Variants in EYA2 observed in about 807,000 individuals in gnomAD.
EYA2 encodes the protein EYA transcriptional coactivator and phosphatase 2, also known as protein phosphatase EYA2.
In EYA2, 31 loss-of-function variants were observed where a neutral mutation model predicts 69.2. The ratio of observed to expected loss-of-function variants is 0.45; its 90% CI spans 0.34 to 0.60. EYA2 has a LOEUF of 0.60. Among genes scored for constraint, EYA2 ranks in the 20% least tolerant of loss-of-function variants. The pLI is 0.02. For synonymous variants in EYA2, 257 were observed against 279.4 expected, an observed-to-expected ratio of 0.92 and a Z score of 0.80; for missense variants, 622 against 701.2, an observed-to-expected ratio of 0.89 and a Z score of 1.28.
rs1046664 is a variant in EYA2 at position 47,188,575 on chromosome 20, G to A, written c.*442G>A. 230,650 of 449,942 alleles carry A rather than the reference G, an allele frequency of 0.51. 62,098 individuals carry two copies. Among genetic ancestry groups the A allele is most frequent in the African/African-American group, 0.81 (41,298 of 51,206 alleles). The allele number at this position is 449,942 out of a possible 1,614,324, so 27.9% of individuals were successfully genotyped here. Reference sequence around the variant, plus strand: ...GGTTTGGTTTTTTGAACTGGTATGTGGGGTGGTTCACAGTTCTAATGTAAG... The same window carrying A: ...GGTTTGGTTTTTTGAACTGGTATGTAGGGTGGTTCACAGTTCTAATGTAAG... On this transcript the variant is annotated 3_prime_UTR_variant, in exon 16 of 16. Transcript: ENST00000327619.
At chr20:47,111,605 C>T (rs891795906) in intron 9 of EYA2, among the ~76,000 whole-genome samples, 5 of 152,252 alleles carry the variant, frequency 3.3e-5, no homozygotes, top group African/African-American at 4.8e-5. Flanking sequence ...TTGGAACTGG[C>T]GTGCCATTTG....
At chr20:47,098,628 C>G (rs970194816) in intron 9 of EYA2, among the ~76,000 whole-genome samples, 2 of 152,212 alleles carry the variant, frequency 1.3e-5, no homozygotes, top group Non-Finnish European at 2.9e-5. Context: ...GCCCCATGTC[C>G]CCTGGCCCAT....
At chr20:47,167,212 C>T (rs913927929) in intron 10 of EYA2, among the ~76,000 whole-genome samples, 68 of 151,514 alleles carry the variant, frequency 4.5e-4, no homozygotes, top group African/African-American at 1.6e-3. Context: ...TTACTGGCTT[C>T]GAACAACACA....
chr20:47,181,535 G>A (rs1348075099), intron 14 of EYA2, among the ~76,000 whole-genome samples: 1 of 152,164 alleles, frequency 6.6e-6, no homozygotes. Context: ...ATAGCTGAGT[G>A]ATTCATACTG....
intron 9 of EYA2, among the ~76,000 whole-genome samples, chr20:47,099,570 C>T (rs1357095590): frequency 6.6e-6 from 1 of 152,150 alleles, no homozygotes; most frequent in Non-Finnish European, 1.5e-5. Context: ...ATCACAAATG[C>T]TAACTGTGGA....
At chr20:47,097,215 T>C in intron 9 of EYA2, 47 bp downstream of exon 9, 4 of 1,434,344 alleles carry the variant, frequency 2.8e-6, no homozygotes, top group Middle Eastern at 1.8e-4. Context: ...TTTTCAACGT[T>C]ATTGTCCAGC....
chr20:47,060,919 G>A (rs2030854501), intron 5 of EYA2, among the ~76,000 whole-genome samples: 1 of 146,158 alleles, frequency 6.8e-6, no homozygotes. Flanking sequence ...GCAATGGTGT[G>A]ATCTTGGCTC....
chr20:46,974,826 A>G (rs1980359070), intron 1 of EYA2, among the ~76,000 whole-genome samples: 1 of 152,128 alleles, frequency 6.6e-6, no homozygotes, highest in African/African-American at 2.4e-5. Context: ...GCTGAACCCA[A>G]CCAGGAATCA....
At chr20:46,963,366 A>T (rs985011814) in intron 1 of EYA2, among the ~76,000 whole-genome samples, 24 of 152,338 alleles carry the variant, frequency 1.6e-4, no homozygotes, top group Non-Finnish European at 2.9e-4. Flanking sequence ...TCAGTCGTCA[A>T]AAAAGAAATG....
intron 5 of EYA2, among the ~76,000 whole-genome samples, chr20:47,049,464 G>A (rs2030209997): frequency 6.6e-6 from 1 of 152,196 alleles, no homozygotes. Context: ...CGAATCCCTT[G>A]TGAATGGCTT....
In EYA2 at chr20:46,907,495, G is replaced by A. The variant is rs560455058; in HGVS notation, c.-11+12508G>A. Among the ~76,000 whole-genome samples the A allele has an allele frequency of 2.6e-5, 4 of 152,306 alleles. No individual in the cohort carries two copies. In the East Asian group the frequency reaches 5.8e-4, roughly 22 times the overall value. On this transcript the variant is annotated intron_variant, in intron 1 of 15. Coordinates refer to ENST00000327619, the MANE Select transcript of EYA2 (RefSeq NM_005244.5). ...GGGACTCCCCACCCTCTTTCAAGAC[G>A]AGTGAGGGATCTTGGGTAGCATGGG...
chr20:46,903,994 G>A (rs1208156366), intron 1 of EYA2, among the ~76,000 whole-genome samples: 4 of 152,262 alleles, frequency 2.6e-5, no homozygotes, highest in East Asian at 3.9e-4. Flanking sequence ...GGATCAGTGC[G>A]GTGTCTATAA....
chr20:46,913,183 A>G (rs1037388132), intron 1 of EYA2, among the ~76,000 whole-genome samples: 8 of 152,298 alleles, frequency 5.3e-5, no homozygotes, highest in East Asian at 1.9e-4. Context: ...ACATTTAACA[A>G]TTGTTTCTTG....
At chr20:47,001,805 C>A (rs1013475443) in intron 3 of EYA2, among the ~76,000 whole-genome samples, 2 of 135,544 alleles carry the variant, frequency 1.5e-5, no homozygotes, top group South Asian at 2.3e-4. Context: ...TTTTTTTATT[C>A]TTTTCTTTCT....
chr20:46,983,582 C>T (rs182659172), intron 1 of EYA2, among the ~76,000 whole-genome samples: 1 of 152,192 alleles, frequency 6.6e-6, no homozygotes, highest in African/African-American at 2.4e-5. Context: ...ATAGCTACCC[C>T]CTTTTTGCTT....
chr20:47,012,909 T>C (rs1983161117), intron 4 of EYA2, among the ~76,000 whole-genome samples: 1 of 152,202 alleles, frequency 6.6e-6, no homozygotes, highest in Non-Finnish European at 1.5e-5. Flanking sequence ...AGTGTCTGAC[T>C]TTCTCATTCT....
At chr20:46,949,880 C>A (rs1490769259) in intron 1 of EYA2, among the ~76,000 whole-genome samples, 1 of 152,212 alleles carries the variant, frequency 6.6e-6, no homozygotes, top group Admixed American at 6.5e-5. Context: ...AGGGTCCCAA[C>A]CCCAGTTCTG....
intron 5 of EYA2, among the ~76,000 whole-genome samples, chr20:47,034,035 GAGGA>G (rs917782580): frequency 3.9e-5 from 6 of 152,218 alleles, no homozygotes; most frequent in African/African-American, 1.4e-4. Flanking sequence ...GTGATAAAGG[GAGGA>G]AGGAAGTCTC....
chr20:47,164,815 G>A (rs938745282), intron 10 of EYA2, among the ~76,000 whole-genome samples: 2 of 152,170 alleles, frequency 1.3e-5, no homozygotes, highest in Non-Finnish European at 2.9e-5. Flanking sequence ...GAGGCAGAGA[G>A]AAAAGAGAGA....
Sources: allele counts gnomAD v4.1 joint callset (sites outside exome capture counted in the v4.1 genomes callset), GRCh38; gene constraint gnomAD v4.1.1; transcripts MANE v1.5; gene names NCBI Gene and HGNC (gene_info 2026-07-23, HGNC 2026-07-21).